The following SLC22A15 variants were observed in gnomAD, a reference collection of about 807,000 sequenced individuals.
SLC22A15 encodes the protein flipt 1.
A neutral mutation model predicts 62.7 loss-of-function variants in SLC22A15; 45 were observed. The ratio of observed to expected loss-of-function variants is 0.72; its 90% CI spans 0.56 to 0.92. The LOEUF (loss-of-function observed/expected upper bound fraction) is 0.92, where lower values mean the gene tolerates loss of function less well. SLC22A15 is among the 40% of genes least tolerant of loss of function. SLC22A15 has a pLI of 0.00. For missense variants in SLC22A15, 622 were observed against 665.6 expected (o/e 0.93, Z 0.72); for synonymous variants, 264 against 267.0 (o/e 0.99, Z 0.11).
rs1423470607 is a variant in SLC22A15, at chr1:115,989,774, T to C, written c.88-2257T>C. ...CCAGCCTGGGTGACAAGAGTGAAAC[T>C]CAGTCTCAAAAAAAAAAAAATGATA... On this transcript the variant is annotated intron_variant, in intron 1 of 11. Transcript: ENST00000369503. Among the ~76,000 whole-genome samples, 26 of 59,136 alleles carry C rather than the reference T, an allele frequency of 4.4e-4. 1 individual carries two copies. The South Asian group carries it at 0.023, about 51-fold the overall frequency. 38.8% of individuals were successfully genotyped at this position (59,136 alleles called of 152,430 possible).
At position 116,037,288 on chromosome 1, in the gene SLC22A15, C is replaced by A; in HGVS notation, c.1086-15C>A. On this transcript the variant is annotated splice_polypyrimidine_tract_variant and intron_variant, in intron 7 of 11. Coordinates refer to ENST00000369503, the MANE Select transcript of SLC22A15 (RefSeq NM_018420.3). Reference sequence around the variant, plus strand: ...GGTTCTTAAGAGAACTGTGTAATTTCTTTCTATTGTTTAGGTTTGGTCGGA... The same window carrying A: ...GGTTCTTAAGAGAACTGTGTAATTTATTTCTATTGTTTAGGTTTGGTCGGA... 6.2e-7 allele frequency: 1 copy of A among 1,605,448 alleles called. No individual in the cohort carries two copies. Among genetic ancestry groups the A allele is most frequent in the Non-Finnish European group, 8.5e-7 (1 of 1,172,528 alleles).
At chr1:116,019,993 C>T (rs975066900) in intron 3 of SLC22A15, among the ~76,000 whole-genome samples, 11 of 152,064 alleles carry the variant, frequency 7.2e-5, no homozygotes, top group Middle Eastern at 3.2e-3. Context: ...TAGTTTATGC[C>T]ATGTTGCTAA....
rs760171034 is a variant in SLC22A15 at position 116,066,698 on chromosome 1, AC to A, written c.1549del (p.Gln517AsnfsTer10). 17 of 1,611,790 alleles carry A rather than the reference AC, an allele frequency of 1.1e-5. No homozygotes were observed. The East Asian group carries it at 3.3e-4, about 32-fold the overall frequency. On this transcript the variant is annotated frameshift_variant, in exon 11 of 12. Coordinates refer to ENST00000369503, the MANE Select transcript of SLC22A15 (RefSeq NM_018420.3). LOFTEE classifies it high-confidence loss of function. ...GAAGCATTATCTTTACAGGCTTTGG[AC>A]CCCCAACAGGTGTGATATTTTTCTT... ...GEEALSLQAL[D>X]PQQCVDKESS... is the part of the protein sequence containing the mutation.
At chr1:116,047,153 G>A (rs535415378) in intron 8 of SLC22A15, among the ~76,000 whole-genome samples, 2 of 152,142 alleles carry the variant, frequency 1.3e-5, no homozygotes, top group Non-Finnish European at 2.9e-5. Context: ...AACTGGCCGC[G>A]CACAGTGGCT....
rs1198163038 is a variant in SLC22A15 at position 115,980,621 on chromosome 1, C to T, written c.87+3907C>T. 3.3e-5 allele frequency among the ~76,000 whole-genome samples: 5 copies of T among 151,954 alleles called. No homozygotes were observed. The South Asian group carries it at 1.0e-3, about 32-fold the overall frequency. ...AATACAAATTTTAAAAACACACAAA[C>T]CAATGCTATATTTGTTTCATAAATA... On this transcript the variant is annotated intron_variant, in intron 1 of 11. Coordinates refer to ENST00000369503, the MANE Select transcript of SLC22A15 (RefSeq NM_018420.3).
intron 4 of SLC22A15, among the ~76,000 whole-genome samples, chr1:116,023,782 C>T (rs1012938616): frequency 1.3e-5 from 2 of 152,084 alleles, no homozygotes; most frequent in Non-Finnish European, 2.9e-5. Context: ...GAGAAAACCT[C>T]GATGTGGGTG....
chr1:116,055,968 T>C (rs922614464), intron 8 of SLC22A15, among the ~76,000 whole-genome samples: 11 of 140,712 alleles, frequency 7.8e-5, no homozygotes, highest in Non-Finnish European at 1.5e-5. Context: ...GGGCAAAAAC[T>C]GGAAGCATTC....
intron 8 of SLC22A15, among the ~76,000 whole-genome samples, chr1:116,057,498 G>T (rs1658244934): frequency 6.6e-6 from 1 of 152,158 alleles, no homozygotes; most frequent in African/African-American, 2.4e-5. Flanking sequence ...AGTCAGTGTG[G>T]CGATTCCTCA....
At chr1:115,982,729 C>T (rs1033094202) in intron 1 of SLC22A15, among the ~76,000 whole-genome samples, 3 of 152,140 alleles carry the variant, frequency 2.0e-5, no homozygotes, top group Non-Finnish European at 4.4e-5. Context: ...ATAGTTCTAC[C>T]TAGATGCTTT....
Position 116,067,002 on chromosome 1 carries a change from C to G in SLC22A15, c.1555-17C>G, listed in dbSNP as rs769162355. ...CATAACATCATTTCACTGCCCTTTTCTTCTTTCCTGTTTCAGTGTGTGGAC... is the reference window on the plus strand; with the variant it reads ...CATAACATCATTTCACTGCCCTTTTGTTCTTTCCTGTTTCAGTGTGTGGAC... On this transcript the variant is annotated splice_polypyrimidine_tract_variant and intron_variant, in intron 11 of 11. Transcript: ENST00000369503. 5 of 1,600,680 alleles carry G rather than the reference C, an allele frequency of 3.1e-6. No homozygotes were observed. Among genetic ancestry groups the G allele is most frequent in the Non-Finnish European group, 4.3e-6 (5 of 1,170,694 alleles).
At chr1:116,006,110 A>G (rs1004780126) in intron 2 of SLC22A15, among the ~76,000 whole-genome samples, 1 of 152,218 alleles carries the variant, frequency 6.6e-6, no homozygotes, top group Non-Finnish European at 1.5e-5. Flanking sequence ...ACATTTATGT[A>G]GAATATCCCA....
chr1:116,010,311 C>T (rs2101207318), intron 2 of SLC22A15, among the ~76,000 whole-genome samples: 2 of 152,238 alleles, frequency 1.3e-5, no homozygotes, highest in South Asian at 4.1e-4. Flanking sequence ...TGACTGTTAT[C>T]TTGAGATTAA....
intron 2 of SLC22A15, among the ~76,000 whole-genome samples, chr1:116,017,936 T>C (rs1300804206): frequency 6.6e-6 from 1 of 152,208 alleles, no homozygotes; most frequent in Non-Finnish European, 1.5e-5. Flanking sequence ...AACCAGAGAA[T>C]GGTTGCTTTC....
At chr1:115,986,912 G>T (rs1304632294) in intron 1 of SLC22A15, among the ~76,000 whole-genome samples, 1 of 152,168 alleles carries the variant, frequency 6.6e-6, no homozygotes, top group Non-Finnish European at 1.5e-5. Context: ...TTTGCTCAAG[G>T]TTTAATTAGA....
At position 116,037,202 on chromosome 1, in the gene SLC22A15, T is replaced by C. The variant is rs185117888; in HGVS notation, c.1086-101T>C. On this transcript the variant is annotated intron_variant, in intron 7 of 11. Coordinates refer to ENST00000369503, the MANE Select transcript of SLC22A15 (RefSeq NM_018420.3). ...ACTTAGCCTTAAGAGGAGATGAACATATATAATGAAACTGAAGATTTTTAA... is the reference window on the plus strand; with the variant it reads ...ACTTAGCCTTAAGAGGAGATGAACACATATAATGAAACTGAAGATTTTTAA... The C allele has an allele frequency of 6.0e-6, 6 of 999,638 alleles. No individual in the cohort carries two copies. The Admixed American group carries it at 9.2e-5, about 15-fold the overall frequency. 61.9% of individuals were successfully genotyped at this position (999,638 alleles called of 1,614,324 possible). A position where few individuals can be genotyped will look rare whatever the true frequency, so the allele number is the denominator to read the frequency against.
At chr1:115,980,641 T>C (rs563006349) in intron 1 of SLC22A15, among the ~76,000 whole-genome samples, 1 of 151,784 alleles carries the variant, frequency 6.6e-6, no homozygotes, top group African/African-American at 2.4e-5. Context: ...ATTTGTTTCA[T>C]AAATATATAT....
intron 2 of SLC22A15, among the ~76,000 whole-genome samples, chr1:116,008,276 G>A (rs1656083713): frequency 6.6e-6 from 1 of 152,164 alleles, no homozygotes; most frequent in South Asian, 2.1e-4. Flanking sequence ...CAATCTTTGT[G>A]GCAAGTAATC....
intron 10 of SLC22A15, among the ~76,000 whole-genome samples, chr1:116,065,747 C>G (rs1259070646): frequency 6.6e-6 from 1 of 152,126 alleles, no homozygotes; most frequent in African/African-American, 2.4e-5. Flanking sequence ...AGTAGTGGAC[C>G]TACCCACGAA....
At chr1:116,012,193 G>C (rs1656306550) in intron 2 of SLC22A15, among the ~76,000 whole-genome samples, 2 of 152,136 alleles carry the variant, frequency 1.3e-5, no homozygotes, top group Admixed American at 1.3e-4. Flanking sequence ...ACCTACAATG[G>C]GTTGTTTAGG....
Sources: allele counts gnomAD v4.1 joint callset (sites outside exome capture counted in the v4.1 genomes callset), GRCh38; gene constraint gnomAD v4.1.1; transcripts MANE v1.5; gene names NCBI Gene and HGNC (gene_info 2026-07-23, HGNC 2026-07-21).